DNMBP: variants seen among roughly 807,000 people sequenced by gnomAD.
DNMBP encodes dynamin binding protein.
A neutral mutation model predicts 150.0 loss-of-function variants in DNMBP; 87 were observed. That is an observed-to-expected ratio of 0.58 (90% CI 0.49 to 0.69). The LOEUF (loss-of-function observed/expected upper bound fraction) is 0.69. DNMBP is among the 30% of genes least tolerant of loss of function. DNMBP has a pLI of 0.00. For missense variants in DNMBP, 1,774 were observed against 1,949.0 expected (o/e 0.91, Z 1.69); for synonymous variants, 711 against 750.4 (o/e 0.95, Z 0.86).
chr10:99,986,746 G>T (rs144665471), intron 1 of DNMBP, among the ~76,000 whole-genome samples: 134 of 152,066 alleles, frequency 8.8e-4, no homozygotes, highest in Non-Finnish European at 1.6e-3. Context: ...CCCAGAGTAT[G>T]AGCAACAAAG....
At chr10:99,905,309 T>TGAA (rs1251491826) in intron 6 of DNMBP, among the ~76,000 whole-genome samples, 9 of 152,206 alleles carry the variant, frequency 5.9e-5, no homozygotes, top group Non-Finnish European at 1.3e-4. Context: ...ACAGTTGTAT[T>TGAA]CTGTATAGAG....
At chr10:99,961,735 A>G (rs2040568023) in intron 3 of DNMBP, among the ~76,000 whole-genome samples, 1 of 152,044 alleles carries the variant, frequency 6.6e-6, no homozygotes, top group Non-Finnish European at 1.5e-5. Flanking sequence ...AACTTTTACC[A>G]TGAAGCACAA....
At chr10:99,959,830 G>A (rs1340310600) in intron 3 of DNMBP, among the ~76,000 whole-genome samples, 2 of 150,334 alleles carry the variant, frequency 1.3e-5, no homozygotes, top group African/African-American at 2.5e-5. Flanking sequence ...ACTCCGGCCC[G>A]GGCAACAGAG....
At chr10:99,929,885 A>AT in intron 4 of DNMBP, 1 of 702,902 alleles carries the variant, frequency 1.4e-6, no homozygotes, top group Non-Finnish European at 2.6e-6. Context: ...TATACTCCAA[A>AT]TTCTCCATTT....
intron 11 of DNMBP, among the ~76,000 whole-genome samples, chr10:99,890,065 A>T (rs753268078): frequency 1.2e-4 from 19 of 152,148 alleles, no homozygotes; most frequent in Non-Finnish European, 2.4e-4. Flanking sequence ...CTTTATTTTT[A>T]TATCATTTTT....
At chr10:99,922,359 T>A (rs1286002161) in intron 4 of DNMBP, among the ~76,000 whole-genome samples, 1 of 152,040 alleles carries the variant, frequency 6.6e-6, no homozygotes, top group Non-Finnish European at 1.5e-5. Context: ...CCTAACTCAT[T>A]ATCTTGCCTT....
At chr10:99,897,297 G>A (rs1252988613) in intron 9 of DNMBP, among the ~76,000 whole-genome samples, 1 of 152,152 alleles carries the variant, frequency 6.6e-6, no homozygotes, top group Non-Finnish European at 1.5e-5. Flanking sequence ...AGGAGGGGAG[G>A]TGAGGGACTC....
At chr10:99,930,333 T>G (rs1367187556) in intron 4 of DNMBP, 3 of 702,900 alleles carry the variant, frequency 4.3e-6, no homozygotes, top group Non-Finnish European at 5.2e-6. Flanking sequence ...ATAATTCAGA[T>G]TCTTACAGTC....
At position 99,898,732 on chromosome 10, in the gene DNMBP, A is replaced by G; in HGVS notation, c.2720+11T>C. ...AAATGAGCGCATACATCAAGCAGCA[A>G]TGGAACTTACCATTCGTTGTATAGG... is the stretch of plus-strand genomic sequence containing the variant. On this transcript the variant is annotated intron_variant, in intron 8 of 16. Coordinates refer to ENST00000324109, the MANE Select transcript of DNMBP (RefSeq NM_015221.4). 3 of 1,613,848 alleles carry G rather than the reference A, an allele frequency of 1.9e-6. No homozygotes were observed. The highest frequency in any genetic ancestry group is 1.7e-4 in the Middle Eastern group (1 of 6,058).
chr10:99,901,938 C>T (rs971961230), intron 6 of DNMBP, among the ~76,000 whole-genome samples: 2 of 151,924 alleles, frequency 1.3e-5, no homozygotes, highest in African/African-American at 4.8e-5. Context: ...GGGTCTCCTG[C>T]GTTGCCCAGG....
At chr10:99,962,049 T>C (rs1040857020) in intron 3 of DNMBP, among the ~76,000 whole-genome samples, 2 of 151,420 alleles carry the variant, frequency 1.3e-5, no homozygotes, top group African/African-American at 4.9e-5. Context: ...TCTCTCCATC[T>C]GAAACCTAGG....
intron 3 of DNMBP, among the ~76,000 whole-genome samples, chr10:99,963,139 G>A (rs939708322): frequency 6.6e-6 from 1 of 151,938 alleles, no homozygotes; most frequent in African/African-American, 2.4e-5. Flanking sequence ...CTCAATCACT[G>A]CTCATTGTAG....
chr10:99,975,504 T>A (rs2040718840), intron 1 of DNMBP, among the ~76,000 whole-genome samples: 1 of 152,220 alleles, frequency 6.6e-6, no homozygotes, highest in Non-Finnish European at 1.5e-5. Flanking sequence ...TAATTTGTAC[T>A]GTCAAGCAAA....
chr10:99,933,903 A>T (rs2040192603), intron 4 of DNMBP, among the ~76,000 whole-genome samples: 1 of 152,044 alleles, frequency 6.6e-6, no homozygotes, highest in Non-Finnish European at 1.5e-5. Context: ...TGCCCGGCTA[A>T]AGTTTTGTAA....
In DNMBP at chr10:99,944,715, T is replaced by C. The variant is rs2040338621; in HGVS notation, c.2260+10499A>G. On this transcript the variant is annotated intron_variant, in intron 4 of 16. Transcript: ENST00000324109. ...CCACACGGAAGCCCACAAAATGATG[T>C]TTCATTCCCCAACACACAGCAATCA... is the stretch of plus-strand genomic sequence containing the variant. Among the ~76,000 whole-genome samples the C allele has an allele frequency of 8.6e-5, 11 of 128,408 alleles. 1 individual carries two copies. The South Asian group carries it at 2.6e-3, about 30-fold the overall frequency. The allele number at this position is 128,408 out of a possible 152,430, so 84.2% of individuals were successfully genotyped here. A position where few individuals can be genotyped will look rare whatever the true frequency, so the allele number is the denominator to read the frequency against.
chr10:99,940,903 G>T (rs1589430186), intron 4 of DNMBP, among the ~76,000 whole-genome samples: 1 of 152,026 alleles, frequency 6.6e-6, no homozygotes, highest in African/African-American at 2.4e-5. Context: ...TTCTTTTTTT[G>T]AGACAGAGTC....
chr10:99,969,191 T>G lies in DNMBP; in HGVS notation c.192A>C (p.Leu64=). 2.5e-6 allele frequency: 4 copies of G among 1,614,108 alleles called. No individual in the cohort carries two copies. Among genetic ancestry groups the G allele is most frequent in the Non-Finnish European group, 3.4e-6 (4 of 1,179,942 alleles). ...ACACAAACAGCCTCTCTCCCTCTTTTAGACTGGGAATGGTCACAATTTCCA... is the reference window on the plus strand; with the variant it reads ...ACACAAACAGCCTCTCTCCCTCTTTGAGACTGGGAATGGTCACAATTTCCA... ...SFVEIVTIPS[L]KEGERLFVCI... is the part of the protein sequence containing the mutation. The change falls in exon 3 of 17, where the codon CTA becomes CTC. Residue 64 remains leucine, a synonymous_variant. Coordinates refer to ENST00000324109, the MANE Select transcript of DNMBP (RefSeq NM_015221.4).
chr10:99,977,258 G>A (rs1203827006), intron 1 of DNMBP, among the ~76,000 whole-genome samples: 2 of 152,186 alleles, frequency 1.3e-5, no homozygotes, highest in African/African-American at 2.4e-5. Flanking sequence ...TGTATAATAT[G>A]ACGAATCTCA....
In DNMBP at chr10:99,946,330, T is replaced by C. The variant is rs536396325; in HGVS notation, c.2260+8884A>G. Among the ~76,000 whole-genome samples the C allele has an allele frequency of 2.0e-5, 3 of 152,336 alleles. No homozygotes were observed. In the South Asian group the frequency reaches 6.2e-4, roughly 32 times the overall value. On this transcript the variant is annotated intron_variant, in intron 4 of 16. Transcript: ENST00000324109. ...ATAAAATGAAAACCTTTTTTTGATGTATGAAATATTAGTCACAAAACAAAG... is the reference window on the plus strand; with the variant it reads ...ATAAAATGAAAACCTTTTTTTGATGCATGAAATATTAGTCACAAAACAAAG...
Sources: allele counts gnomAD v4.1 joint callset (sites outside exome capture counted in the v4.1 genomes callset), GRCh38; gene constraint gnomAD v4.1.1; transcripts MANE v1.5; gene names NCBI Gene and HGNC (gene_info 2026-07-23, HGNC 2026-07-21).